The following RPS6KC1 variants were observed in gnomAD, a reference collection of about 807,000 sequenced individuals.
The protein encoded by RPS6KC1 is inactive ribosomal protein S6 kinase delta-1.
In RPS6KC1, 54 loss-of-function variants were observed where a neutral mutation model predicts 103.8. The ratio of observed to expected loss-of-function variants is 0.52; its 90% CI spans 0.42 to 0.65. RPS6KC1 has a LOEUF of 0.65. Ranked by LOEUF, RPS6KC1 falls within the 30% of genes least tolerant of loss-of-function variation. The pLI, the probability that RPS6KC1 is intolerant of heterozygous loss-of-function variation, is 0.00. For synonymous variants in RPS6KC1, 439 were observed against 438.7 expected (o/e 1.00, Z -0.01); for missense variants, 1,151 against 1,253.8 (o/e 0.92, Z 1.24).
the RPS6KC1 span, among the ~76,000 whole-genome samples, chr1:213,342,036 C>T: frequency 6.6e-6 from 1 of 152,216 alleles, no homozygotes; most frequent in African/African-American, 2.4e-5. Context: ...TGATTCTTCT[C>T]TTGGCCAGGC....
At chr1:213,375,561 GT>G in the RPS6KC1 span, among the ~76,000 whole-genome samples, 2 of 152,194 alleles carry the variant, frequency 1.3e-5, no homozygotes, top group Non-Finnish European at 2.9e-5. Flanking sequence ...CCAAGAACAT[GT>G]TGAGGGATGT....
At chr1:213,358,762 T>G in the RPS6KC1 span, among the ~76,000 whole-genome samples, 14 of 152,224 alleles carry the variant, frequency 9.2e-5, no homozygotes, top group African/African-American at 3.1e-4. Context: ...TGTGTCTTTG[T>G]TCTCGTTGGT....
the RPS6KC1 span, among the ~76,000 whole-genome samples, chr1:213,707,433 G>T: frequency 1.3e-3 from 196 of 152,002 alleles, 2 homozygotes; most frequent in African/African-American, 4.5e-3. Context: ...ATTCCTTGTA[G>T]ATTCTAGATA....
chr1:213,148,101 TTAAG>T (rs2088106757), intron 6 of RPS6KC1, among the ~76,000 whole-genome samples: 1 of 152,214 alleles, frequency 6.6e-6, no homozygotes, highest in African/African-American at 2.4e-5. Flanking sequence ...TCTTGTCTCT[TTAAG>T]TTTTTCCAAA....
At position 213,241,553 on chromosome 1, in the gene RPS6KC1, G is replaced by T; in HGVS notation, c.2077G>T (p.Val693Leu). 1.2e-6 allele frequency: 2 copies of T among 1,613,984 alleles called. No individual in the cohort carries two copies. Among genetic ancestry groups the T allele is most frequent in the South Asian group, 1.1e-5 (1 of 91,082 alleles). ...TGATGAAGGAAGACCTGATCTTCTTGTAAATTTACCTGGTGAATTGGAGTC... is the reference window on the plus strand; with the variant it reads ...TGATGAAGGAAGACCTGATCTTCTTTTAAATTTACCTGGTGAATTGGAGTC... Reference protein sequence around the residue: ...GTDEGRPDLLVNLPGELESTR... With the variant: ...GTDEGRPDLLLNLPGELESTR... Residue 693 changes from valine (V) to leucine (L), a missense_variant, in exon 11 of 15, where the codon GTA becomes TTA. Val to Leu is a conservative substitution (Grantham distance 32). Around this residue, in one of 3 missense-constraint regions of RPS6KC1, gnomAD observed 959 missense variants for 1,006.3 expected, o/e 0.95. Transcript: ENST00000366960.
At chr1:213,738,286 A>G in the RPS6KC1 span, among the ~76,000 whole-genome samples, 1 of 152,194 alleles carries the variant, frequency 6.6e-6, no homozygotes, top group African/African-American at 2.4e-5. Flanking sequence ...TAAAATGACC[A>G]CAGATGCATA....
the RPS6KC1 span, among the ~76,000 whole-genome samples, chr1:213,592,277 A>G: frequency 6.6e-6 from 1 of 152,252 alleles, no homozygotes; most frequent in Non-Finnish European, 1.5e-5. Context: ...CAAAGATTTA[A>G]TAGAAATTGA....
In RPS6KC1 at chr1:213,272,637, G is replaced by T. The variant is rs776771664; in HGVS notation, c.*3G>T. The T allele has an allele frequency of 3.3e-5, 52 of 1,589,756 alleles. No homozygotes were observed. The highest frequency in any genetic ancestry group is 4.5e-5 in the Non-Finnish European group (52 of 1,158,098). On this transcript the variant is annotated 3_prime_UTR_variant, in exon 15 of 15. Coordinates refer to ENST00000366960, the MANE Select transcript of RPS6KC1 (RefSeq NM_012424.6). The stretch of plus-strand genomic sequence containing the variant: ...ATTGGGCAGAACTGATGAGATGAAC[G>T]TAATGCAGGGTTATCTTCACACATT...
the RPS6KC1 span, among the ~76,000 whole-genome samples, chr1:213,853,172 C>T: frequency 5.3e-5 from 8 of 152,334 alleles, no homozygotes; most frequent in South Asian, 2.1e-4. Flanking sequence ...CTCACACCCC[C>T]GGCTTGCAAT....
Position 213,262,894 on chromosome 1 carries a change from A to T in RPS6KC1, c.3090+78A>T, listed in dbSNP as rs2094831730. 9.1e-6 allele frequency: 8 copies of T among 877,542 alleles called. No homozygotes were observed. In the East Asian group the frequency reaches 1.9e-4, roughly 21 times the overall value. 54.4% of individuals were successfully genotyped at this position (877,542 alleles called of 1,614,324 possible). A position where few individuals can be genotyped will look rare whatever the true frequency, so the allele number is the denominator to read the frequency against. On this transcript the variant is annotated intron_variant, in intron 14 of 14. Transcript: ENST00000366960. ...CCCACAACTCCAAAACCTTAAAAAG[A>T]GATTAGTTTGGAGCAAGAAAAACCC...
At chr1:213,714,588 T>A in the RPS6KC1 span, among the ~76,000 whole-genome samples, 1 of 152,252 alleles carries the variant, frequency 6.6e-6, no homozygotes, top group East Asian at 1.9e-4. Flanking sequence ...TATTGTGGGC[T>A]TCCCTTAAGG....
At chr1:213,496,987 T>A in the RPS6KC1 span, among the ~76,000 whole-genome samples, 1 of 152,246 alleles carries the variant, frequency 6.6e-6, no homozygotes, top group African/African-American at 2.4e-5. Flanking sequence ...CACTTGTTAC[T>A]GTATAATGAT....
intron 8 of RPS6KC1, among the ~76,000 whole-genome samples, chr1:213,191,628 A>C (rs1364785891): frequency 6.6e-6 from 1 of 151,710 alleles, no homozygotes; most frequent in Non-Finnish European, 1.5e-5. Context: ...GATGCTCTTT[A>C]TTTCTTTCTC....
At chr1:213,740,459 T>A in the RPS6KC1 span, among the ~76,000 whole-genome samples, 1 of 152,128 alleles carries the variant, frequency 6.6e-6, no homozygotes, top group Non-Finnish European at 1.5e-5. Context: ...AACTCTTTGC[T>A]GGCATTTGCA....
chr1:213,130,270 G>T lies in RPS6KC1; in HGVS notation c.835+381G>T, dbSNP rs114488082. Among the ~76,000 whole-genome samples the T allele has an allele frequency of 3.3e-3, 508 of 152,250 alleles. 2 individuals carry two copies. Among genetic ancestry groups the T allele is most frequent in the South Asian group, 6.0e-3 (29 of 4,812 alleles). Reference sequence around the variant, plus strand: ...TGACCTGAAGAGACAAAATGAAATGGATTTTTAAACTAAGAGCATAAAAGA... The same window carrying T: ...TGACCTGAAGAGACAAAATGAAATGTATTTTTAAACTAAGAGCATAAAAGA... On this transcript the variant is annotated intron_variant, in intron 6 of 14. Transcript: ENST00000366960.
chr1:213,851,838 C>G, the RPS6KC1 span, among the ~76,000 whole-genome samples: 16 of 152,334 alleles, frequency 1.1e-4, no homozygotes, highest in South Asian at 6.2e-4. Flanking sequence ...CAGCCTCTCC[C>G]TCTCCTGCAC....
chr1:213,296,650 GTAT>G, the RPS6KC1 span, among the ~76,000 whole-genome samples: 2 of 152,222 alleles, frequency 1.3e-5, no homozygotes, highest in Non-Finnish European at 2.9e-5. Flanking sequence ...AGGAAGGGTA[GTAT>G]TTCTATAGAG....
At chr1:213,615,250 G>T in the RPS6KC1 span, among the ~76,000 whole-genome samples, 1 of 152,216 alleles carries the variant, frequency 6.6e-6, no homozygotes, top group Non-Finnish European at 1.5e-5. Flanking sequence ...GTGGGAGGCT[G>T]TCAAGGGGAG....
chr1:213,695,275 G>A, the RPS6KC1 span, among the ~76,000 whole-genome samples: 1 of 152,248 alleles, frequency 6.6e-6, no homozygotes, highest in Non-Finnish European at 1.5e-5. Context: ...GTTCAATGAT[G>A]CCTTAGAAAT....
Sources: allele counts gnomAD v4.1 joint callset (sites outside exome capture counted in the v4.1 genomes callset), GRCh38; gene constraint gnomAD v4.1.1; regional missense constraint gnomAD v4.1.1; transcripts MANE v1.5; gene names NCBI Gene and HGNC (gene_info 2026-07-23, HGNC 2026-07-21).